The following CUBN variants were observed in gnomAD, a reference collection of about 807,000 sequenced individuals.
CUBN encodes the protein cubilin.
CUBN carries 282 observed loss-of-function variants against 405.3 expected under a neutral mutation model. The ratio of observed to expected loss-of-function variants is 0.70; its 90% CI spans 0.63 to 0.77. CUBN has a LOEUF of 0.77. Among genes scored for constraint, CUBN ranks in the 30% least tolerant of loss-of-function variants. CUBN has a pLI of 0.00. For synonymous variants in CUBN, 1,684 were observed against 1,617.0 expected, an observed-to-expected ratio of 1.04 and a Z score of -0.99; for missense variants, 4,514 against 4,475.2, an observed-to-expected ratio of 1.01 and a Z score of -0.25.
chr10:16,841,424 T>A (rs1428824245), intron 60 of CUBN, among the ~76,000 whole-genome samples: 14 of 152,162 alleles, frequency 9.2e-5, no homozygotes, highest in Non-Finnish European at 4.4e-5. Flanking sequence ...CTCGTGTTCC[T>A]CTTTAGTGTA....
intron 14 of CUBN, among the ~76,000 whole-genome samples, chr10:17,088,965 C>A (rs543104793): frequency 6.6e-6 from 1 of 152,284 alleles, no homozygotes; most frequent in South Asian, 2.1e-4. Flanking sequence ...CCTAACGTTG[C>A]TGACTAGTGA....
At chr10:17,089,499 T>C (rs1326552642) in intron 14 of CUBN, among the ~76,000 whole-genome samples, 1 of 152,220 alleles carries the variant, frequency 6.6e-6, no homozygotes, top group East Asian at 1.9e-4. Context: ...TGAAAGGATG[T>C]TCAACCTCAC....
chr10:17,045,233 G>A (rs375643589), intron 24 of CUBN, 45 bp from the exon 25 acceptor site: 1 of 1,587,474 alleles, frequency 6.3e-7, no homozygotes, highest in Admixed American at 1.7e-5. Context: ...TTTCCTTCTG[G>A]GGAAATTGAA....
intron 31 of CUBN, among the ~76,000 whole-genome samples, chr10:16,960,395 G>A (rs919775607): frequency 6.6e-6 from 1 of 152,162 alleles, no homozygotes; most frequent in Non-Finnish European, 1.5e-5. Context: ...GGGAGGCTGA[G>A]GCACGAGAAT....
intron 36 of CUBN, among the ~76,000 whole-genome samples, chr10:16,945,101 C>T (rs1172329908): frequency 1.3e-5 from 2 of 152,054 alleles, no homozygotes; most frequent in South Asian, 2.1e-4. Flanking sequence ...TTTGTCAAGA[C>T]CTGAAATCTT....
intron 64 of CUBN, 36 bp from the exon 65 acceptor site, chr10:16,831,453 T>G: frequency 6.4e-7 from 1 of 1,557,940 alleles, no homozygotes; most frequent in Non-Finnish European, 8.9e-7. Context: ...AAACTTACAC[T>G]TTCTTCTCTA....
chr10:16,835,131 G>C lies in CUBN; in HGVS notation c.10245C>G (p.Tyr3415Ter), dbSNP rs147730705. Residue 3415 changes from tyrosine to a stop codon, truncating the protein, a stop_gained, in exon 64 of 67, where the codon TAC (tyrosine) becomes TAG (stop). Transcript: ENST00000377833. LOFTEE classifies it high-confidence loss of function. ...TAACGGTGCAATCCTTGTCATTGTC[G>C]TAGTTATCTGGCCATCCAGGGCTTC... ...NLRSPGWPDN[Y>*]DNDKDCTVTL... 2 of 1,614,078 alleles carry C rather than the reference G, an allele frequency of 1.2e-6. No homozygotes were observed. Among genetic ancestry groups the C allele is most frequent in the Non-Finnish European group, 1.7e-6 (2 of 1,179,954 alleles).
chr10:16,840,399 A>G lies in CUBN; in HGVS notation c.9963T>C (p.Thr3321=). 3 of 1,614,160 alleles carry G rather than the reference A, an allele frequency of 1.9e-6. No individual in the cohort carries two copies. The South Asian group carries it at 3.3e-5, about 18-fold the overall frequency. Residue 3321 remains threonine (T), a synonymous_variant, in exon 62 of 67, where the codon ACT becomes ACC. Transcript: ENST00000377833. ...DSPPHQQVKI[T]VWALQLTSQD... is the part of the protein sequence containing the mutation. ...GCGAGGTCAGCTGTAATGCCCACAC[A>G]GTTATCTTGACCTGCTGATGCGGAG...
intron 29 of CUBN, among the ~76,000 whole-genome samples, chr10:16,989,509 G>A (rs2932892): frequency 0.84 from 123,349 of 147,592 alleles, 52,928 homozygotes; most frequent in Non-Finnish European, 0.96. Flanking sequence ...TATATAGTAC[G>A]TTATATAATT....
intron 43 of CUBN, among the ~76,000 whole-genome samples, chr10:16,924,647 CTATT>C (rs998239748): frequency 5.5e-4 from 83 of 151,762 alleles, no homozygotes; most frequent in African/African-American, 1.8e-3. Flanking sequence ...GAAGTGATGC[CTATT>C]TATTTATTTA....
At chr10:16,976,744 T>C (rs535536740) in intron 31 of CUBN, among the ~76,000 whole-genome samples, 1 of 152,266 alleles carries the variant, frequency 6.6e-6, no homozygotes, top group Admixed American at 6.5e-5. Context: ...TTTTTCATCC[T>C]TTTTTTATCC....
chr10:17,107,578 A>T (rs954868357), intron 10 of CUBN, among the ~76,000 whole-genome samples: 2 of 148,244 alleles, frequency 1.3e-5, no homozygotes, highest in African/African-American at 5.0e-5. Context: ...GCTCACTGTA[A>T]GCTCCGCCTC....
At chr10:16,938,476 G>C (rs1210483345) in intron 38 of CUBN, among the ~76,000 whole-genome samples, 3 of 152,048 alleles carry the variant, frequency 2.0e-5, no homozygotes, top group Admixed American at 2.0e-4. Context: ...TCAGGCACTG[G>C]GATCTATTCA....
intron 59 of CUBN, among the ~76,000 whole-genome samples, chr10:16,861,633 T>C (rs1197992096): frequency 1.3e-5 from 2 of 152,134 alleles, no homozygotes; most frequent in East Asian, 3.9e-4. Flanking sequence ...AGTGGATAAG[T>C]AAATTGTCCA....
chr10:16,843,615 A>G (rs1839424527), intron 60 of CUBN, among the ~76,000 whole-genome samples: 3 of 152,176 alleles, frequency 2.0e-5, no homozygotes, highest in South Asian at 2.1e-4. Flanking sequence ...TTAAAATTTC[A>G]TGATAATCAT....
At chr10:17,026,635 A>AT (rs1834672443) in intron 27 of CUBN, among the ~76,000 whole-genome samples, 1 of 146,738 alleles carries the variant, frequency 6.8e-6, no homozygotes, top group Non-Finnish European at 1.5e-5. Flanking sequence ...TTCTCTCAAA[A>AT]AAAAAAATAA....
At position 16,840,544 on chromosome 10, in the gene CUBN, G is replaced by A. The variant is rs911024813; in HGVS notation, c.9827-9C>T. On this transcript the variant is annotated splice_polypyrimidine_tract_variant and intron_variant, in intron 61 of 66. Transcript: ENST00000377833. ...TGTTCCACCACAAGGCACTGGAGAG[G>A]GAGGAAAAAGCAACACAGGAGACAT... 3.2e-6 allele frequency: 5 copies of A among 1,572,382 alleles called. No homozygotes were observed. Among genetic ancestry groups the A allele is most frequent in the South Asian group, 2.3e-5 (2 of 87,136 alleles).
At chr10:17,028,682 C>G (rs1467729274) in intron 27 of CUBN, among the ~76,000 whole-genome samples, 1 of 149,510 alleles carries the variant, frequency 6.7e-6, no homozygotes, top group Non-Finnish European at 1.5e-5. Flanking sequence ...GAATGCAACA[C>G]TGCACTCAAG....
chr10:17,065,667 G>T lies in CUBN; in HGVS notation c.3009-29C>A, dbSNP rs149041253. 10,124 of 1,612,002 alleles carry T rather than the reference G, an allele frequency of 6.3e-3. 51 individuals carry two copies. The highest frequency in any genetic ancestry group is 8.0e-3 in the Non-Finnish European group (9,397 of 1,178,552). ...TTCCAAACCAAGAAAGGACAGATGT[G>T]TGTATTTTAGTTTGGTATACTGAAA... On this transcript the variant is annotated intron_variant, in intron 21 of 66. Coordinates refer to ENST00000377833, the MANE Select transcript of CUBN (RefSeq NM_001081.4).
Sources: allele counts gnomAD v4.1 joint callset (sites outside exome capture counted in the v4.1 genomes callset), GRCh38; gene constraint gnomAD v4.1.1; transcripts MANE v1.5; gene names NCBI Gene and HGNC (gene_info 2026-07-23, HGNC 2026-07-21).